Variants in ATXN7L1 observed in about 807,000 individuals in gnomAD.
The protein encoded by ATXN7L1 is ataxin-7-like protein 1.
A neutral mutation model predicts 70.8 loss-of-function variants in ATXN7L1; 15 were observed. That is an observed-to-expected ratio of 0.21 (90% confidence interval 0.14 to 0.33). The LOEUF is 0.33. ATXN7L1 is among the 10% of genes least tolerant of loss of function. The pLI, the probability that ATXN7L1 is intolerant of heterozygous loss-of-function variation, is 1.00. For synonymous variants in ATXN7L1, 440 were observed against 445.1 expected, an observed-to-expected ratio of 0.99 and a Z score of 0.14; for missense variants, 975 against 1,097.1, an observed-to-expected ratio of 0.89 and a Z score of 1.57.
chr7:105,868,124 T>C (rs1039882952), intron 2 of ATXN7L1, among the ~76,000 whole-genome samples: 3 of 152,216 alleles, frequency 2.0e-5, no homozygotes, highest in Non-Finnish European at 4.4e-5. Context: ...CCTGCCCAGC[T>C]CTACACATGG....
At chr7:105,706,896 C>T (rs1464186866) in intron 3 of ATXN7L1, among the ~76,000 whole-genome samples, 2 of 152,252 alleles carry the variant, frequency 1.3e-5, no homozygotes, top group Non-Finnish European at 1.5e-5. Flanking sequence ...ACCAAGAAAT[C>T]TGCAGTGTGG....
chr7:105,711,096 G>A (rs1394755159), intron 3 of ATXN7L1, among the ~76,000 whole-genome samples: 1 of 152,170 alleles, frequency 6.6e-6, no homozygotes, highest in Non-Finnish European at 1.5e-5. Context: ...TCCTGCCCTT[G>A]ACATGTGGGG....
At chr7:105,695,818 C>A (rs1244065500) in intron 3 of ATXN7L1, among the ~76,000 whole-genome samples, 1 of 152,212 alleles carries the variant, frequency 6.6e-6, no homozygotes, top group Non-Finnish European at 1.5e-5. Flanking sequence ...ACAGCTTAAT[C>A]TGGCCTGATA....
intron 3 of ATXN7L1, among the ~76,000 whole-genome samples, chr7:105,762,560 A>C (rs911848951): frequency 7.2e-5 from 11 of 152,020 alleles, no homozygotes; most frequent in African/African-American, 2.7e-4. Flanking sequence ...CCCTTCCCCT[A>C]CCCAATCACC....
chr7:105,780,743 G>T (rs577427697), intron 3 of ATXN7L1, among the ~76,000 whole-genome samples: 16 of 152,252 alleles, frequency 1.1e-4, no homozygotes, highest in African/African-American at 3.4e-4. Flanking sequence ...GGAAAGGACT[G>T]CAATTTTATG....
At chr7:105,712,192 T>C (rs1204108986) in intron 3 of ATXN7L1, among the ~76,000 whole-genome samples, 1 of 152,240 alleles carries the variant, frequency 6.6e-6, no homozygotes, top group Non-Finnish European at 1.5e-5. Flanking sequence ...GCAGCTGGAC[T>C]CTGAGCCTGG....
At chr7:105,819,594 G>A in intron 2 of ATXN7L1, 1 of 934,216 alleles carries the variant, frequency 1.1e-6, no homozygotes, top group Non-Finnish European at 1.8e-6. Flanking sequence ...GAAGGTGGAG[G>A]TCGTACGCTG....
Position 105,614,887 on chromosome 7 carries a change from C to T in ATXN7L1, c.1518-71G>A. 4.0e-6 allele frequency: 6 copies of T among 1,484,712 alleles called. No individual in the cohort carries two copies. Among genetic ancestry groups the T allele is most frequent in the South Asian group, 2.7e-5 (2 of 74,004 alleles). The allele number at this position is 1,484,712 out of a possible 1,614,324, so 92.0% of individuals were successfully genotyped here. On this transcript the variant is annotated intron_variant, in intron 9 of 11. Coordinates refer to ENST00000419735, the MANE Select transcript of ATXN7L1 (RefSeq NM_020725.2). The surrounding 1 kb of genome is among the most constrained non-coding windows in gnomAD (Gnocchi z 4.3). ...TGGCATTGCTCAGGAGGCTCGATGA[C>T]GTTTGAGGATCAGGGCTACAGAGGA... is the stretch of plus-strand genomic sequence containing the variant.
intron 4 of ATXN7L1, among the ~76,000 whole-genome samples, chr7:105,645,810 CACAAACAAACAAACAAACAA>C (rs58661590): frequency 3.7e-4 from 53 of 143,380 alleles, no homozygotes; most frequent in Non-Finnish European, 5.1e-4. Context: ...GAGACGCCAC[CACAAACAAACAAACAAACAA>C]ACAAACAAAC....
At chr7:105,646,416 G>GT (rs993213235) in intron 4 of ATXN7L1, among the ~76,000 whole-genome samples, 3 of 152,112 alleles carry the variant, frequency 2.0e-5, no homozygotes, top group African/African-American at 7.2e-5. Flanking sequence ...GAGGCCAGGT[G>GT]TTTTTTTGTT....
chr7:105,727,618 T>C (rs1278997895), intron 3 of ATXN7L1, among the ~76,000 whole-genome samples: 1 of 140,428 alleles, frequency 7.1e-6, no homozygotes, highest in South Asian at 2.2e-4. Flanking sequence ...GCAGTGAGCC[T>C]AGATAGTGCC....
chr7:105,809,201 T>A (rs574658569), intron 2 of ATXN7L1, among the ~76,000 whole-genome samples: 4 of 152,278 alleles, frequency 2.6e-5, no homozygotes, highest in African/African-American at 9.6e-5. Context: ...CTTGAGAAAA[T>A]TCAATAAAAC....
intron 3 of ATXN7L1, among the ~76,000 whole-genome samples, chr7:105,736,432 C>G (rs1470676347): frequency 6.6e-6 from 1 of 152,182 alleles, no homozygotes; most frequent in African/African-American, 2.4e-5. Flanking sequence ...GGCAAGGTTG[C>G]TGGCTCAGAA....
intron 3 of ATXN7L1, among the ~76,000 whole-genome samples, chr7:105,718,480 A>G (rs1286543817): frequency 1.3e-5 from 2 of 152,216 alleles, no homozygotes; most frequent in Admixed American, 6.5e-5. Context: ...AGTTTGCTCT[A>G]CTCACTGTTC....
intron 7 of ATXN7L1, among the ~76,000 whole-genome samples, chr7:105,628,661 C>T (rs1200175172): frequency 6.6e-6 from 1 of 151,606 alleles, no homozygotes; most frequent in African/African-American, 2.4e-5. Flanking sequence ...GGCATGGTGG[C>T]GGGCACCTGT....
chr7:105,617,106 A>G (rs1017049746), intron 9 of ATXN7L1, among the ~76,000 whole-genome samples: 2 of 151,778 alleles, frequency 1.3e-5, no homozygotes, highest in African/African-American at 4.8e-5. Flanking sequence ...AGTTCACTGC[A>G]GGCTCCGCCT....
chr7:105,678,991 G>C lies in ATXN7L1; in HGVS notation c.356-13703C>G, dbSNP rs1025601176. 1.4e-5 allele frequency: 12 copies of C among 855,262 alleles called. 1 individual carries two copies. Among genetic ancestry groups the C allele is most frequent in the Middle Eastern group, 1.2e-3 (2 of 1,660 alleles). 53.0% of individuals were successfully genotyped at this position (855,262 alleles called of 1,614,324 possible). A position where few individuals can be genotyped will look rare whatever the true frequency, so the allele number is the denominator to read the frequency against. On this transcript the variant is annotated intron_variant, in intron 3 of 11. Coordinates refer to ENST00000419735, the MANE Select transcript of ATXN7L1 (RefSeq NM_020725.2). ...ATCTGCCTGCCAGGATCTCTGTTCC[G>C]TGACCTGCGCCCAGCCCCACGCCGT...
At chr7:105,744,412 C>T (rs1563058078) in intron 3 of ATXN7L1, among the ~76,000 whole-genome samples, 1 of 106,334 alleles carries the variant, frequency 9.4e-6, no homozygotes, top group African/African-American at 4.4e-5. Context: ...TGTGCCCACA[C>T]CAGGGGAATA....
chr7:105,687,751 C>A (rs1402017412), intron 3 of ATXN7L1, among the ~76,000 whole-genome samples: 1 of 152,172 alleles, frequency 6.6e-6, no homozygotes, highest in Non-Finnish European at 1.5e-5. Context: ...CTAGGTGCAG[C>A]TCGGATGCAT....
Sources: gnomAD v4.1 joint callset for allele counts (sites outside exome capture counted in the v4.1 genomes callset) on GRCh38, gnomAD v4.1.1 for gene constraint, Gnocchi (gnomAD v3.1) non-coding constraint, MANE v1.5 for transcripts, NCBI Gene and HGNC (gene_info 2026-07-23, HGNC 2026-07-21) for gene names.